The following CCSER2 variants were observed in gnomAD, a reference collection of about 807,000 sequenced individuals.
CCSER2 encodes the protein serine-rich coiled-coil domain-containing protein 2.
CCSER2 carries 46 observed loss-of-function variants against 92.3 expected under a neutral mutation model. The observed-to-expected ratio is 0.50, with a 90% CI of 0.39 to 0.64. The LOEUF is 0.64. Ranked by LOEUF, CCSER2 falls within the 30% of genes least tolerant of loss-of-function variation. CCSER2 has a pLI of 0.00. For synonymous variants in CCSER2, 433 were observed against 431.4 expected (o/e 1.00, Z -0.04); for missense variants, 1,244 against 1,238.9 (o/e 1.00, Z -0.06).
At chr10:84,486,703 C>G (rs1305610442) in intron 9 of CCSER2, among the ~76,000 whole-genome samples, 1 of 152,184 alleles carries the variant, frequency 6.6e-6, no homozygotes, top group Non-Finnish European at 1.5e-5. Flanking sequence ...TGCCTGTTCA[C>G]TCTGATGGTA....
At position 84,371,260 on chromosome 10, in the gene CCSER2, A is replaced by C. The variant is rs1320198828; in HGVS notation, c.208A>C (p.Asn70His). 6.2e-7 allele frequency: 1 copy of C among 1,613,136 alleles called. No homozygotes were observed. Residue 70 changes from asparagine to histidine, a missense_variant, in exon 2 of 10, where the codon AAT becomes CAT. Physicochemically the swap from Asn to His is moderately conservative, Grantham distance 68. Coordinates refer to ENST00000372088, the MANE Select transcript of CCSER2 (RefSeq NM_001284240.2). Reference sequence around the variant, plus strand: ...TCATTCATTTAATTGGAGGAAAGCAAATAAATATCAGCTTTGTGCACAAGG... The same window carrying C: ...TCATTCATTTAATTGGAGGAAAGCACATAAATATCAGCTTTGTGCACAAGG... ...SSHSFNWRKANKYQLCAQGVE... is the reference protein window; with the variant it reads ...SSHSFNWRKAHKYQLCAQGVE...
intron 6 of CCSER2, chr10:84,455,625 T>G (rs1845571468): frequency 3.2e-6 from 2 of 622,136 alleles, no homozygotes; most frequent in Non-Finnish European, 6.1e-6. Flanking sequence ...GTCTTGACCT[T>G]TTTTGAACTG....
chr10:84,382,325 G>T (rs1840958991), intron 3 of CCSER2, among the ~76,000 whole-genome samples: 1 of 152,046 alleles, frequency 6.6e-6, no homozygotes, highest in South Asian at 2.1e-4. Flanking sequence ...TTTCAGACTA[G>T]GATGAATTCT....
rs760929089 is a variant in CCSER2, at chr10:84,425,743, A to G, written c.1718A>G (p.Asn573Ser). 10 of 1,610,186 alleles carry G rather than the reference A, an allele frequency of 6.2e-6. No individual in the cohort carries two copies. The South Asian group carries it at 7.7e-5, about 12-fold the overall frequency. The change falls in exon 5 of 10, where the codon AAT becomes AGT. Residue 573 changes from asparagine (N) to serine (S), a missense_variant. Physicochemically the swap from Asn to Ser is conservative, Grantham distance 46. Coordinates refer to ENST00000372088, the MANE Select transcript of CCSER2 (RefSeq NM_001284240.2). Reference protein sequence around the residue: ...DAPLENVECDNMNRFDRPDRN... With the variant: ...DAPLENVECDSMNRFDRPDRN... The stretch of plus-strand genomic sequence containing the variant: ...TGAATCTGTCTAGTGGAGTGTGACA[A>G]TATGAACCGCTTTGACCGACCAGAC...
chr10:84,429,057 C>A (rs1184584663), intron 5 of CCSER2, among the ~76,000 whole-genome samples: 2 of 139,942 alleles, frequency 1.4e-5, no homozygotes, highest in East Asian at 4.0e-4. Context: ...TTTTGTTTTT[C>A]TTCTTGAGAT....
intron 1 of CCSER2, among the ~76,000 whole-genome samples, chr10:84,341,502 C>A (rs946727833): frequency 6.6e-6 from 1 of 152,012 alleles, no homozygotes; most frequent in African/African-American, 2.4e-5. Context: ...GCACCTCTTA[C>A]ACTAAATGTA....
In CCSER2 at chr10:84,477,570, T is replaced by A. The variant is rs1177064612; in HGVS notation, c.2236-5T>A. 6.3e-7 allele frequency: 1 copy of A among 1,593,730 alleles called. No individual in the cohort carries two copies. The highest frequency in any genetic ancestry group is 1.7e-4 in the Middle Eastern group (1 of 6,044). On this transcript the variant is annotated splice_region_variant and splice_polypyrimidine_tract_variant and intron_variant, in intron 8 of 9. Coordinates refer to ENST00000372088, the MANE Select transcript of CCSER2 (RefSeq NM_001284240.2). ...CCAATGTAAAAATTTTGTGTTTTTG[T>A]TTAGGCAACTCAGCATATCTGCCAC... is the stretch of plus-strand genomic sequence containing the variant.
At chr10:84,392,316 C>CAAAAAAAAAAAAAAAAAAAAAAAAAAAA (rs71473611) in intron 3 of CCSER2, among the ~76,000 whole-genome samples, 1 of 53,858 alleles carries the variant, frequency 1.9e-5, no homozygotes. Flanking sequence ...TCTGAAGAAG[C>CAAAAAAAAAAAAAAAAAAAAAAAAAAAA]AAAAAAAAAA....
At chr10:84,505,385 G>T (rs571438306) in intron 9 of CCSER2, among the ~76,000 whole-genome samples, 19 of 152,164 alleles carry the variant, frequency 1.2e-4, no homozygotes, top group African/African-American at 4.3e-4. Context: ...AAGGCCACTT[G>T]ATGTGTCAAA....
At position 84,355,519 on chromosome 10, in the gene CCSER2, C is replaced by G. The variant is rs527522962; in HGVS notation, c.-39-15495C>G. Among the ~76,000 whole-genome samples, 17 of 152,202 alleles carry G rather than the reference C, an allele frequency of 1.1e-4. No homozygotes were observed. In the South Asian group the frequency reaches 3.5e-3, roughly 32 times the overall value. On this transcript the variant is annotated intron_variant, in intron 1 of 9. Transcript: ENST00000372088. ...AGTTAAGCACTTTCTTTTTTGTTCCCCCATGTGCTACCCCATATACTCTGC... is the reference window on the plus strand; with the variant it reads ...AGTTAAGCACTTTCTTTTTTGTTCCGCCATGTGCTACCCCATATACTCTGC...
At chr10:84,412,395 A>G (rs1332237777) in intron 3 of CCSER2, among the ~76,000 whole-genome samples, 1 of 152,070 alleles carries the variant, frequency 6.6e-6, no homozygotes, top group Non-Finnish European at 1.5e-5. Flanking sequence ...TACCTCTGAT[A>G]GAATTCAGAT....
At chr10:84,352,590 C>T (rs1844923910) in intron 1 of CCSER2, among the ~76,000 whole-genome samples, 1 of 151,676 alleles carries the variant, frequency 6.6e-6, no homozygotes, top group African/African-American at 2.4e-5. Context: ...GAGTACCTAT[C>T]ACCACCACCA....
chr10:84,503,734 A>G (rs1848894489), intron 9 of CCSER2, among the ~76,000 whole-genome samples: 1 of 152,178 alleles, frequency 6.6e-6, no homozygotes, highest in Non-Finnish European at 1.5e-5. Context: ...TAGAAATCCT[A>G]TTTATTTTTA....
chr10:84,462,650 G>C (rs762137459), intron 6 of CCSER2, among the ~76,000 whole-genome samples: 1 of 152,114 alleles, frequency 6.6e-6, no homozygotes, highest in Non-Finnish European at 1.5e-5. Context: ...ATGTCCATTT[G>C]ACACCACCAT....
At chr10:84,489,842 G>A (rs1020586652) in intron 9 of CCSER2, among the ~76,000 whole-genome samples, 1 of 152,148 alleles carries the variant, frequency 6.6e-6, no homozygotes, top group Non-Finnish European at 1.5e-5. Context: ...CATCGTTGGT[G>A]TTTACAATTT....
intron 6 of CCSER2, among the ~76,000 whole-genome samples, chr10:84,449,393 G>A (rs1446998502): frequency 6.6e-6 from 1 of 151,454 alleles, no homozygotes; most frequent in African/African-American, 2.4e-5. Context: ...AATCAGAATA[G>A]ACAATTCCAA....
chr10:84,356,861 G>A (rs1468198589), intron 1 of CCSER2, among the ~76,000 whole-genome samples: 1 of 151,926 alleles, frequency 6.6e-6, no homozygotes, highest in African/African-American at 2.4e-5. Flanking sequence ...TATACATTAT[G>A]TGTGTGTGTG....
chr10:84,335,443 C>A (rs1007547386), intron 1 of CCSER2, among the ~76,000 whole-genome samples: 40 of 151,870 alleles, frequency 2.6e-4, no homozygotes. Context: ...AGGGTCTCCC[C>A]ATGTTACCCA....
At chr10:84,494,003 A>C (rs1388889569) in intron 9 of CCSER2, among the ~76,000 whole-genome samples, 2 of 152,192 alleles carry the variant, frequency 1.3e-5, no homozygotes, top group Non-Finnish European at 2.9e-5. Context: ...TGCAGTTCAC[A>C]ATAAAGTTCC....
Sources: gnomAD v4.1 joint callset for allele counts (sites outside exome capture counted in the v4.1 genomes callset) on GRCh38, gnomAD v4.1.1 for gene constraint, MANE v1.5 for transcripts, NCBI Gene and HGNC (gene_info 2026-07-23, HGNC 2026-07-21) for gene names.